PLAUR: variants seen among roughly 807,000 people sequenced by gnomAD.
The protein encoded by PLAUR is urokinase plasminogen activator surface receptor.
A neutral mutation model predicts 33.4 loss-of-function variants in PLAUR; 22 were observed. The ratio of observed to expected loss-of-function variants is 0.66; its 90% CI spans 0.47 to 0.94. The LOEUF is 0.94. Among genes scored for constraint, PLAUR ranks in the 40% least tolerant of loss-of-function variants. The pLI is 0.00. For missense variants in PLAUR, 408 were observed against 434.7 expected, an observed-to-expected ratio of 0.94 and a Z score of 0.55; for synonymous variants, 148 against 167.3, an observed-to-expected ratio of 0.88 and a Z score of 0.89.
At chr19:43,656,391 A>G in intron 4 of PLAUR, 88 bp downstream of exon 4, 2 of 1,229,070 alleles carry the variant, frequency 1.6e-6, no homozygotes, top group Non-Finnish European at 2.2e-6. Flanking sequence ...CCTTGCTGAC[A>G]TCCCTGTTAC....
chr19:43,665,788 C>T (rs1405548563), intron 2 of PLAUR, among the ~76,000 whole-genome samples: 4 of 148,908 alleles, frequency 2.7e-5, no homozygotes, highest in Non-Finnish European at 4.5e-5. Flanking sequence ...TTCGGCCTCC[C>T]GAGTAGCTGG....
rs1228129343 is a variant in PLAUR at position 43,667,330 on chromosome 19, T to C, written c.166+251A>G. The C allele has an allele frequency of 1.6e-5, 9 of 550,792 alleles. No individual in the cohort carries two copies. In the East Asian group the frequency reaches 2.4e-4, roughly 15 times the overall value. The allele number at this position is 550,792 out of a possible 1,614,324, so 34.1% of individuals were successfully genotyped here. Reference sequence around the variant, plus strand: ...TGTTAATCTTCATCTGGACTAGATATTGCCGAATCGCTCTAAGTGGTTGAT... The same window carrying C: ...TGTTAATCTTCATCTGGACTAGATACTGCCGAATCGCTCTAAGTGGTTGAT... On this transcript the variant is annotated intron_variant, in intron 2 of 6. Transcript: ENST00000340093.
At chr19:43,653,123 A>G (rs1174364671) in intron 5 of PLAUR, among the ~76,000 whole-genome samples, 1 of 152,114 alleles carries the variant, frequency 6.6e-6, no homozygotes, top group Non-Finnish European at 1.5e-5. Flanking sequence ...AGAATTTACA[A>G]TTTAGAGCTA....
chr19:43,646,970 G>A (rs568220539), downstream of PLAUR, among the ~76,000 whole-genome samples: 3 of 151,920 alleles, frequency 2.0e-5, no homozygotes, highest in African/African-American at 4.8e-5. Context: ...TAGTAGAGAC[G>A]GGGTTTTGCC....
chr19:43,651,328 C>T (rs916056844), intron 6 of PLAUR, among the ~76,000 whole-genome samples: 11 of 152,232 alleles, frequency 7.2e-5, no homozygotes, highest in Admixed American at 2.0e-4. Context: ...CTACCCACCT[C>T]GGCCTCCCAA....
chr19:43,668,137 T>G, intron 1 of PLAUR: 1 of 998,112 alleles, frequency 1.0e-6, no homozygotes, highest in Non-Finnish European at 1.2e-6. Flanking sequence ...ATACCGTCAC[T>G]CCCAGTGCCC....
At chr19:43,664,692 C>T (rs894324505) in intron 3 of PLAUR, among the ~76,000 whole-genome samples, 9 of 152,234 alleles carry the variant, frequency 5.9e-5, no homozygotes, top group East Asian at 1.9e-4. Flanking sequence ...CAGCCTACTG[C>T]GGCCCATTTA....
At chr19:43,647,741 G>T (rs569139227), downstream of PLAUR, among the ~76,000 whole-genome samples, 1 of 152,184 alleles carries the variant, frequency 6.6e-6, no homozygotes, top group Admixed American at 6.5e-5. Context: ...GGAGGTGGAG[G>T]TTGTGGTGAG....
intron 6 of PLAUR, chr19:43,652,011 C>T (rs746717307): frequency 1.5e-6 from 2 of 1,329,072 alleles, no homozygotes; most frequent in South Asian, 1.7e-5. Flanking sequence ...AGCCACCGCA[C>T]CCAGCCGGAA....
At chr19:43,665,230 G>A (rs192392811) in intron 3 of PLAUR, 86 bp downstream of exon 3, 8 of 1,414,238 alleles carry the variant, frequency 5.7e-6, no homozygotes, top group Middle Eastern at 1.8e-4. Context: ...TTCAGCTGAT[G>A]TAAAGTTAAG....
intron 1 of PLAUR, chr19:43,668,415 C>T (rs772712293): frequency 1.2e-4 from 62 of 534,136 alleles, no homozygotes; most frequent in Non-Finnish European, 1.3e-4. Flanking sequence ...AGCTCCTCCC[C>T]GATGCCATAA....
intron 3 of PLAUR, chr19:43,661,460 G>C (rs918620221): frequency 4.0e-5 from 6 of 151,546 alleles, no homozygotes; most frequent in Admixed American, 1.3e-4. Context: ...GCAGTCGTGT[G>C]ATCTTGGCTC....
In PLAUR at chr19:43,670,079, G is replaced by A. The variant is rs554683003; in HGVS notation, c.42C>T (p.His14=). The part of the protein sequence containing the change: ...PPLLPLLLLL[H]TCVPASWGLR... ...CCCAGCCCCTACCTGGGACGCAGGT[G>A]TGGAGCAGCAGCAGCAGCGGCAGCA... Residue 14 remains histidine (H), a synonymous_variant, in exon 1 of 7, where the codon CAC becomes CAT. Coordinates refer to ENST00000340093, the MANE Select transcript of PLAUR (RefSeq NM_002659.4). The A allele has an allele frequency of 1.2e-6, 2 of 1,613,350 alleles. No homozygotes were observed. The highest frequency in any genetic ancestry group is 1.1e-5 in the South Asian group (1 of 91,048).
intron 3 of PLAUR, among the ~76,000 whole-genome samples, chr19:43,661,758 G>A (rs1448830211): frequency 1.3e-5 from 2 of 152,088 alleles, no homozygotes; most frequent in Non-Finnish European, 2.9e-5. Flanking sequence ...TATTTGTCCA[G>A]CATTTGCAAC....
intron 2 of PLAUR, 100 bp downstream of exon 2, chr19:43,667,481 G>A: frequency 1.2e-6 from 1 of 803,664 alleles, no homozygotes; most frequent in Non-Finnish European, 2.1e-6. Flanking sequence ...TTGTTTGTTT[G>A]TTTTTAGTTT....
chr19:43,649,003 C>G lies in PLAUR; in HGVS notation c.895G>C (p.Asp299His). 6.2e-7 allele frequency: 1 copy of G among 1,614,166 alleles called. No individual in the cohort carries two copies. The highest frequency in any genetic ancestry group is 8.5e-7 in the Non-Finnish European group (1 of 1,180,016). ...GCAGCCCCACTGCGGTACTGGACAT[C>G]CAGGTCTGGGTGGTTACAGCCACTT... ...TKSGCNHPDL[D>H]VQYRSGAAPQ... Residue 299 changes from aspartate (D) to histidine (H), a missense_variant, in exon 7 of 7, where the codon GAT becomes CAT. Asp to His is a moderately conservative substitution (Grantham distance 81). Coordinates refer to ENST00000340093, the MANE Select transcript of PLAUR (RefSeq NM_002659.4).
intron 5 of PLAUR, among the ~76,000 whole-genome samples, chr19:43,654,884 G>T (rs746549520): frequency 2.0e-4 from 30 of 152,148 alleles, no homozygotes; most frequent in African/African-American, 7.2e-4. Context: ...AGTGGAGCAG[G>T]GGAGGAGTGG....
intron 3 of PLAUR, among the ~76,000 whole-genome samples, chr19:43,660,143 CAG>C (rs1255651787): frequency 1.5e-5 from 2 of 135,558 alleles, no homozygotes; most frequent in African/African-American, 5.8e-5. Flanking sequence ...TGTTTTGAGA[CAG>C]AGTCTTGCGT....
intron 3 of PLAUR, among the ~76,000 whole-genome samples, chr19:43,662,833 A>G (rs1163540268): frequency 1.3e-5 from 2 of 150,584 alleles, no homozygotes; most frequent in East Asian, 3.9e-4. Context: ...TCCCGCCTCA[A>G]CCTCCCAAGG....
Sources: allele counts gnomAD v4.1 joint callset (sites outside exome capture counted in the v4.1 genomes callset), GRCh38; gene constraint gnomAD v4.1.1; transcripts MANE v1.5; gene names NCBI Gene and HGNC (gene_info 2026-07-23, HGNC 2026-07-21).